Variants in CRPPA observed in about 807,000 individuals in gnomAD.
The protein encoded by CRPPA is D-ribitol-5-phosphate cytidylyltransferase.
CRPPA carries 43 observed loss-of-function variants against 52.0 expected under a neutral mutation model. That is an observed-to-expected ratio of 0.83 (90% CI 0.65 to 1.07). The LOEUF (loss-of-function observed/expected upper bound fraction) is 1.07, where lower values mean the gene tolerates loss of function less well. Ranked by LOEUF, CRPPA falls within the 50% of genes least tolerant of loss-of-function variation. CRPPA has a pLI of 0.00. For missense variants in CRPPA, 629 were observed against 551.7 expected, an observed-to-expected ratio of 1.14 and a Z score of -1.40; for synonymous variants, 250 against 203.5, an observed-to-expected ratio of 1.23 and a Z score of -1.94.
chr7:16,273,997 G>T (rs1035773167), intron 6 of CRPPA, among the ~76,000 whole-genome samples: 8 of 152,168 alleles, frequency 5.3e-5, no homozygotes, highest in Admixed American at 4.6e-4. Context: ...GCCCATTTCA[G>T]TACTACTCCT....
intron 3 of CRPPA, among the ~76,000 whole-genome samples, chr7:16,336,089 T>C (rs1279199228): frequency 6.6e-6 from 1 of 152,148 alleles, no homozygotes; most frequent in African/African-American, 2.4e-5. Context: ...TTGTTGCTAA[T>C]AGGCCTGCTT....
chr7:16,129,987 A>G (rs1037680454), intron 9 of CRPPA, among the ~76,000 whole-genome samples: 1 of 152,156 alleles, frequency 6.6e-6, no homozygotes, highest in Non-Finnish European at 1.5e-5. Context: ...GAAGCACACA[A>G]ATAAATAACT....
At chr7:16,311,546 TGTACCACA>T (rs1785034432) in intron 3 of CRPPA, among the ~76,000 whole-genome samples, 1 of 152,148 alleles carries the variant, frequency 6.6e-6, no homozygotes, top group Admixed American at 6.6e-5. Context: ...ATCATCTTGA[TGTACCACA>T]GTTTGTTTAT....
intron 8 of CRPPA, among the ~76,000 whole-genome samples, chr7:16,217,926 A>C (rs1178427412): frequency 6.6e-6 from 1 of 151,634 alleles, no homozygotes; most frequent in South Asian, 2.1e-4. Flanking sequence ...GTTCAGATTC[A>C]GGAAATACAG....
At chr7:16,221,361 T>C (rs1782495709) in intron 8 of CRPPA, among the ~76,000 whole-genome samples, 1 of 152,140 alleles carries the variant, frequency 6.6e-6, no homozygotes, top group Non-Finnish European at 1.5e-5. Flanking sequence ...AACCTAGGCA[T>C]CACCATTCAG....
intron 3 of CRPPA, among the ~76,000 whole-genome samples, chr7:16,370,639 C>T (rs188259156): frequency 6.6e-6 from 1 of 152,256 alleles, no homozygotes; most frequent in Non-Finnish European, 1.5e-5. Context: ...CCAGATCTTT[C>T]CGCTGGTGGG....
chr7:16,165,226 G>GA (rs36095975), intron 9 of CRPPA, among the ~76,000 whole-genome samples: 48,585 of 147,588 alleles, frequency 0.33, 8,550 homozygotes, highest in Admixed American at 0.41. Context: ...CCTCCTCCAA[G>GA]AAAAAAAAAA....
Position 16,224,283 on chromosome 7 carries a change from A to T in CRPPA, c.1120-8086T>A, listed in dbSNP as rs571338513. Among the ~76,000 whole-genome samples the T allele has an allele frequency of 1.8e-3, 268 of 152,270 alleles. 1 individual carries two copies. The highest frequency in any genetic ancestry group is 6.2e-3 in the African/African-American group (256 of 41,566). On this transcript the variant is annotated intron_variant, in intron 8 of 9. Coordinates refer to ENST00000407010, the MANE Select transcript of CRPPA (RefSeq NM_001101426.4). ...TCCAGTTAACTTTTTATATTTTAAA[A>T]TGGGATTTTTTACTTCTGAGAACGG...
chr7:16,369,372 A>G (rs1282528190), intron 3 of CRPPA, among the ~76,000 whole-genome samples: 1 of 152,196 alleles, frequency 6.6e-6, no homozygotes, highest in African/African-American at 2.4e-5. Context: ...GGAATCTATG[A>G]ATAACATTGG....
chr7:16,353,057 T>C (rs1332617566), intron 3 of CRPPA, among the ~76,000 whole-genome samples: 1 of 152,144 alleles, frequency 6.6e-6, no homozygotes, highest in Admixed American at 6.5e-5. Flanking sequence ...CACTTATATT[T>C]GTAATCTTAA....
intron 9 of CRPPA, among the ~76,000 whole-genome samples, chr7:16,211,921 G>A (rs1280695668): frequency 6.6e-6 from 1 of 152,060 alleles, no homozygotes; most frequent in African/African-American, 2.4e-5. Context: ...GAGCAATATG[G>A]TTTATACTTG....
chr7:16,409,571 A>T lies in CRPPA; in HGVS notation c.258-3234T>A, dbSNP rs186795642. ...GAGATAGTCTATTCTAGAAGTAATCATCTACATGAGTCAGGAAGAAAAAGT... is the reference window on the plus strand; with the variant it reads ...GAGATAGTCTATTCTAGAAGTAATCTTCTACATGAGTCAGGAAGAAAAAGT... On this transcript the variant is annotated intron_variant, in intron 1 of 9. Coordinates refer to ENST00000407010, the MANE Select transcript of CRPPA (RefSeq NM_001101426.4). Among the ~76,000 whole-genome samples the T allele has an allele frequency of 1.5e-3, 233 of 152,318 alleles. 4 individuals carry two copies. Among genetic ancestry groups the T allele is most frequent in the Non-Finnish European group, 1.6e-4 (11 of 68,032 alleles).
intron 1 of CRPPA, among the ~76,000 whole-genome samples, chr7:16,418,825 A>G (rs971079347): frequency 2.0e-5 from 3 of 152,160 alleles, no homozygotes; most frequent in East Asian, 1.9e-4. Context: ...CAGCCAAACC[A>G]TATCAGTGAG....
chr7:16,386,690 A>T (rs1787278362), intron 2 of CRPPA, among the ~76,000 whole-genome samples: 1 of 152,148 alleles, frequency 6.6e-6, no homozygotes, highest in East Asian at 1.9e-4. Flanking sequence ...TTAATTAAAA[A>T]TGACAGGCAA....
intron 3 of CRPPA, among the ~76,000 whole-genome samples, chr7:16,357,161 A>ATATTTATTTATTTATTTATT (rs34428357): frequency 4.7e-5 from 7 of 149,398 alleles, no homozygotes; most frequent in African/African-American, 1.5e-4. Flanking sequence ...CCTTTAGGGG[A>ATATTTATTTATTTATTTATT]TATTTATTTA....
intron 2 of CRPPA, among the ~76,000 whole-genome samples, chr7:16,399,930 G>A (rs1787758201): frequency 6.6e-6 from 1 of 151,768 alleles, no homozygotes; most frequent in Non-Finnish European, 1.5e-5. Flanking sequence ...GGCGTGTTAT[G>A]TGACCATATG....
intron 9 of CRPPA, among the ~76,000 whole-genome samples, chr7:16,147,593 C>T (rs966887953): frequency 3.3e-5 from 5 of 152,058 alleles, no homozygotes; most frequent in Admixed American, 2.0e-4. Flanking sequence ...AATGAACTTC[C>T]TCCCTTTTAA....
At chr7:16,179,521 G>A (rs1000054548) in intron 9 of CRPPA, among the ~76,000 whole-genome samples, 3 of 152,008 alleles carry the variant, frequency 2.0e-5, no homozygotes, top group African/African-American at 7.2e-5. Flanking sequence ...AACAATGGAG[G>A]CAGAGACTGA....
intron 9 of CRPPA, among the ~76,000 whole-genome samples, chr7:16,149,507 A>T (rs1583391158): frequency 6.6e-6 from 1 of 152,170 alleles, no homozygotes; most frequent in East Asian, 1.9e-4. Context: ...AACAATACAC[A>T]TTGGAAACAT....
Sources: gnomAD v4.1 joint callset for allele counts (sites outside exome capture counted in the v4.1 genomes callset) on GRCh38, gnomAD v4.1.1 for gene constraint, MANE v1.5 for transcripts, NCBI Gene and HGNC (gene_info 2026-07-23, HGNC 2026-07-21) for gene names.